Variants in CPSF4L observed in about 807,000 individuals in gnomAD.
CPSF4L encodes the protein cleavage and polyadenylation specific factor 4 like.
In CPSF4L, 18 loss-of-function variants were observed where a neutral mutation model predicts 24.0. The ratio of observed to expected loss-of-function variants is 0.75; its 90% CI spans 0.52 to 1.11. The LOEUF (loss-of-function observed/expected upper bound fraction) is 1.11. Among genes scored for constraint, CPSF4L ranks in the 50% least tolerant of loss-of-function variants. The probability of loss-of-function intolerance (pLI) is 0.00; values close to 1 mark genes in which losing one functional copy is unlikely to be tolerated. For synonymous variants in CPSF4L, 72 were observed against 77.2 expected, an observed-to-expected ratio of 0.93 and a Z score of 0.35; for missense variants, 211 against 221.8, an observed-to-expected ratio of 0.95 and a Z score of 0.31.
chr17:73,250,586 G>A (rs2062001131), intron 5 of CPSF4L, among the ~76,000 whole-genome samples: 1 of 152,170 alleles, frequency 6.6e-6, no homozygotes, highest in Non-Finnish European at 1.5e-5. Context: ...GCTCAGGACA[G>A]TTTAGAAGCT....
At position 73,254,983 on chromosome 17, in the gene CPSF4L, A is replaced by G. The variant is rs529260123; in HGVS notation, c.308-957T>C. ...GAGCTCTCTTAGATTTCTCTTAGGA[A>G]GAAAGCTCTGAAGGAAGCATGGGGG... On this transcript the variant is annotated intron_variant, in intron 3 of 5. Transcript: ENST00000344935. Among the ~76,000 whole-genome samples, 13 of 152,298 alleles carry G rather than the reference A, an allele frequency of 8.5e-5. 1 individual carries two copies. The highest frequency in any genetic ancestry group is 2.0e-4 in the Admixed American group (3 of 15,304).
chr17:73,244,284 C>T (rs181806816), downstream of CPSF4L, among the ~76,000 whole-genome samples: 2 of 152,046 alleles, frequency 1.3e-5, no homozygotes, highest in Admixed American at 6.5e-5. Context: ...ATTTTGGGGC[C>T]GGGCGCGGTG....
At chr17:73,258,186 T>A (rs1025835011) in intron 2 of CPSF4L, among the ~76,000 whole-genome samples, 2 of 152,074 alleles carry the variant, frequency 1.3e-5, no homozygotes, top group African/African-American at 4.8e-5. Flanking sequence ...ATTTTTTGTA[T>A]TTTTTAGTAG....
At chr17:73,248,746 G>C (rs1330382158) in intron 5 of CPSF4L, 1 of 531,048 alleles carries the variant, frequency 1.9e-6, no homozygotes, top group Non-Finnish European at 3.3e-6. Flanking sequence ...TGTGTAAGTG[G>C]ATTAACCTCG....
At chr17:73,250,373 T>C (rs947052574) in intron 5 of CPSF4L, 5 of 1,534,560 alleles carry the variant, frequency 3.3e-6, no homozygotes, top group South Asian at 2.4e-5. Context: ...TAGGGAACCA[T>C]AGGAGATGGT....
rs1325474668 is a variant in CPSF4L, at chr17:73,261,783, G to GGTGAA, written c.31_35dup (p.Phe13SerfsTer105). 2 of 1,551,812 alleles carry GGTGAA rather than the reference G, an allele frequency of 1.3e-6. No individual in the cohort carries two copies. The highest frequency in any genetic ancestry group is 3.3e-4 in the Middle Eastern group (2 of 5,992). The stretch of plus-strand genomic sequence containing the variant: ...TCTCGACATCCTTCTCGAAGGCAAA[G>GGTGAA]GTGAACCGCTCTAGCCCCGCAATGA... On this transcript the variant is annotated frameshift_variant, in exon 1 of 6. Transcript: ENST00000344935. LOFTEE classifies it high-confidence loss of function.
At chr17:73,248,210 A>T (rs922326448), downstream of CPSF4L, 2 of 415,690 alleles carry the variant, frequency 4.8e-6, no homozygotes, top group Admixed American at 8.2e-5. Context: ...GTATGTGATC[A>T]CCAGATTAAA....
At chr17:73,248,615 G>C in intron 5 of CPSF4L, 79 bp from the exon 6 acceptor site, 1 of 1,415,870 alleles carries the variant, frequency 7.1e-7, no homozygotes, top group Non-Finnish European at 9.8e-7. Context: ...CCGCAGAAGA[G>C]GCATGGTGAC....
In CPSF4L at chr17:73,257,810, C is replaced by A; in HGVS notation, c.178G>T (p.Asp60Tyr). 1 of 1,551,578 alleles carries A rather than the reference C, an allele frequency of 6.4e-7. No homozygotes were observed. The change falls in exon 3 of 6, where the codon GAC becomes TAC. Residue 60 changes from aspartate to tyrosine, a missense_variant. Transcript: ENST00000344935. Reference sequence around the variant, plus strand: ...CATACCACCATCTTCTCCCCTCGGTCATGTCGGAAGGGGCAGAGTTTCCCT... The same window carrying A: ...CATACCACCATCTTCTCCCCTCGGTAATGTCGGAAGGGGCAGAGTTTCCCT... ...EKGKLCPFRH[D>Y]RGEKMVVCKH...
intron 5 of CPSF4L, chr17:73,250,864 C>A: frequency 1.2e-6 from 1 of 809,044 alleles, no homozygotes; most frequent in Non-Finnish European, 1.8e-6. Flanking sequence ...CCCTAATTCA[C>A]ACTCCTATCT....
At chr17:73,247,586 C>T (rs1437866133), downstream of CPSF4L, 4 of 429,458 alleles carry the variant, frequency 9.3e-6, no homozygotes, top group African/African-American at 6.0e-5. Flanking sequence ...ATTTTATATC[C>T]CTGAAAATAA....
intron 3 of CPSF4L, among the ~76,000 whole-genome samples, chr17:73,254,267 G>C (rs963734210): frequency 3.3e-5 from 5 of 152,226 alleles, no homozygotes; most frequent in Admixed American, 6.5e-5. Flanking sequence ...GAGTAAGAGT[G>C]AGGGACCCCA....
intron 2 of CPSF4L, among the ~76,000 whole-genome samples, chr17:73,258,248 G>A (rs1359205108): frequency 6.6e-6 from 1 of 152,044 alleles, no homozygotes; most frequent in Non-Finnish European, 1.5e-5. Flanking sequence ...CTGACCTTGT[G>A]ATCTGCCCAC....
At chr17:73,248,164 T>G (rs910981391), downstream of CPSF4L, 10 of 283,918 alleles carry the variant, frequency 3.5e-5, no homozygotes, top group African/African-American at 2.2e-4. Flanking sequence ...TATGCAAAAT[T>G]CCTATCAGTT....
intron 5 of CPSF4L, chr17:73,251,156 C>T: frequency 2.1e-6 from 3 of 1,451,658 alleles, no homozygotes; most frequent in South Asian, 1.5e-5. Flanking sequence ...TCCCTGTGTG[C>T]AGACACCAAC....
At chr17:73,242,302 T>C in the CPSF4L span, 23 of 1,606,506 alleles carry the variant, frequency 1.4e-5, no homozygotes, top group Admixed American at 3.8e-4. Context: ...CTGCCGGACT[T>C]ACAACCTCCA....
intron 3 of CPSF4L, 117 bp downstream of exon 3, chr17:73,257,564 G>C: frequency 9.6e-7 from 1 of 1,043,894 alleles, no homozygotes; most frequent in Admixed American, 2.4e-5. Context: ...AGGTCTCTCT[G>C]GCCTCCAGGG....
intron 5 of CPSF4L, among the ~76,000 whole-genome samples, chr17:73,249,517 G>T (rs1788858884): frequency 6.6e-6 from 1 of 152,088 alleles, no homozygotes; most frequent in Admixed American, 6.5e-5. Flanking sequence ...CTTTTAGACT[G>T]CCCTGACTGG....
chr17:73,261,052 C>T lies in CPSF4L; in HGVS notation c.104-69G>A. On this transcript the variant is annotated intron_variant, in intron 1 of 5. Coordinates refer to ENST00000344935, the MANE Select transcript of CPSF4L (RefSeq NM_001129885.1). ...CTGCAGCTGTTCCGGAAGCCTCCAC[C>T]TCCATCGGCATGTCCCACCTAGACC... 5 of 1,312,228 alleles carry T rather than the reference C, an allele frequency of 3.8e-6. No individual in the cohort carries two copies. In the South Asian group the frequency reaches 5.1e-5, roughly 13 times the overall value. The allele number at this position is 1,312,228 out of a possible 1,614,324, so 81.3% of individuals were successfully genotyped here. A position where few individuals can be genotyped will look rare whatever the true frequency, so the allele number is the denominator to read the frequency against.
Sources: gnomAD v4.1 joint callset for allele counts (sites outside exome capture counted in the v4.1 genomes callset) on GRCh38, gnomAD v4.1.1 for gene constraint, MANE v1.5 for transcripts, NCBI Gene and HGNC (gene_info 2026-07-23, HGNC 2026-07-21) for gene names.